Variants in IFT80 observed in about 807,000 individuals in gnomAD.
IFT80 encodes the protein intraflagellar transport 80.
IFT80 carries 79 observed loss-of-function variants against 107.9 expected under a neutral mutation model. The ratio of observed to expected loss-of-function variants is 0.73; its 90% CI spans 0.61 to 0.88. The LOEUF (loss-of-function observed/expected upper bound fraction) is 0.88. Ranked by LOEUF, IFT80 falls within the 40% of genes least tolerant of loss-of-function variation. IFT80 has a pLI of 0.00. For missense variants in IFT80, 797 were observed against 914.2 expected, an observed-to-expected ratio of 0.87 and a Z score of 1.65; for synonymous variants, 299 against 300.9, an observed-to-expected ratio of 0.99 and a Z score of 0.07.
intron 8 of IFT80, among the ~76,000 whole-genome samples, chr3:160,334,464 T>C (rs911790653): frequency 2.1e-4 from 31 of 151,140 alleles, no homozygotes; most frequent in African/African-American, 7.6e-4. Flanking sequence ...TTGCTCAGGC[T>C]GGAGTGCAGT....
intron 8 of IFT80, among the ~76,000 whole-genome samples, chr3:160,344,972 A>C (rs945556254): frequency 6.6e-6 from 1 of 152,210 alleles, no homozygotes; most frequent in African/African-American, 2.4e-5. Context: ...AGGGAAGGGA[A>C]CACTCATATA....
chr3:160,394,449 A>G (rs1713623137), intron 1 of IFT80: 2 of 152,208 alleles, frequency 1.3e-5, no homozygotes, highest in African/African-American at 4.8e-5. Flanking sequence ...TTTAATTAGT[A>G]AAGACCTCCA....
chr3:160,363,531 A>T (rs985481456), intron 6 of IFT80, among the ~76,000 whole-genome samples: 2 of 152,156 alleles, frequency 1.3e-5, no homozygotes, highest in East Asian at 3.9e-4. Context: ...GTTCATACGG[A>T]ACCAAAAAGA....
intron 12 of IFT80, among the ~76,000 whole-genome samples, chr3:160,295,858 G>A (rs960794888): frequency 7.2e-5 from 11 of 152,220 alleles, no homozygotes; most frequent in African/African-American, 2.4e-4. Flanking sequence ...CAACATGGAT[G>A]AACCTGACGG....
intron 12 of IFT80, among the ~76,000 whole-genome samples, chr3:160,290,976 T>C (rs1041257703): frequency 1.3e-5 from 2 of 152,216 alleles, no homozygotes; most frequent in Non-Finnish European, 2.9e-5. Context: ...ACAGAGAGCA[T>C]GTAAATCCAC....
chr3:160,278,980 T>C (rs1714480926), intron 16 of IFT80, among the ~76,000 whole-genome samples: 1 of 152,312 alleles, frequency 6.6e-6, no homozygotes, highest in African/African-American at 2.4e-5. Context: ...TGTGCCAGTA[T>C]GGAAAAACAG....
At position 160,277,443 on chromosome 3, in the gene IFT80, AT is replaced by A. The variant is rs779179710; in HGVS notation, c.1961del (p.Asn654IlefsTer24). On this transcript the variant is annotated frameshift_variant, in exon 18 of 20. Transcript: ENST00000326448. LOFTEE classifies it high-confidence loss of function. ...DKVQYINSIK[N>X]LPSKESKMAH... ...CCATTTTTGATTCTTTAGATGGAAG[AT>A]TTTTTATAGAATTGATGTACTGAAC... 1.2e-6 allele frequency: 2 copies of A among 1,610,548 alleles called. No homozygotes were observed. Among genetic ancestry groups the A allele is most frequent in the Admixed American group, 1.7e-5 (1 of 59,980 alleles).
intron 12 of IFT80, among the ~76,000 whole-genome samples, chr3:160,296,902 T>G (rs929725943): frequency 1.3e-5 from 2 of 152,208 alleles, no homozygotes; most frequent in African/African-American, 4.8e-5. Context: ...TCTTCTATTT[T>G]GGACCATTCC....
In IFT80 at chr3:160,370,561, A is replaced by T. The variant is rs562205271; in HGVS notation, c.440-4409T>A. On this transcript the variant is annotated intron_variant, in intron 5 of 19. Transcript: ENST00000326448. ...TACAAGAAAAAGTTTAAATAAAGGC[A>T]TTTTTTTTTAAGTTTCTATCTTCAA... 4.6e-5 allele frequency among the ~76,000 whole-genome samples: 7 copies of T among 151,426 alleles called. No homozygotes were observed. The South Asian group carries it at 8.3e-4, about 18-fold the overall frequency.
chr3:160,289,289 G>T (rs1434043317), intron 12 of IFT80, among the ~76,000 whole-genome samples: 1 of 152,142 alleles, frequency 6.6e-6, no homozygotes, highest in Non-Finnish European at 1.5e-5. Flanking sequence ...GGGAAACAGA[G>T]ACTGGGGGCT....
intron 8 of IFT80, among the ~76,000 whole-genome samples, chr3:160,344,299 T>G (rs1720126553): frequency 6.6e-6 from 1 of 152,186 alleles, no homozygotes; most frequent in Non-Finnish European, 1.5e-5. Context: ...TGTGATCTGT[T>G]TTCCTTTGGC....
chr3:160,284,004 C>T (rs925822607), intron 13 of IFT80, among the ~76,000 whole-genome samples: 21 of 152,080 alleles, frequency 1.4e-4, no homozygotes, highest in Non-Finnish European at 2.8e-4. Context: ...AGTTTGGGCT[C>T]TGTTATTGGG....
Position 160,268,512 on chromosome 3 carries a change from G to C in IFT80, c.2124C>G (p.Tyr708Ter), listed in dbSNP as rs1281270349. The change falls in exon 19 of 20, where the codon TAC becomes TAG. Residue 708 changes from tyrosine to a stop codon, truncating the protein, a stop_gained. Coordinates refer to ENST00000326448, the MANE Select transcript of IFT80 (RefSeq NM_020800.3). LOFTEE classifies it high-confidence loss of function. ...WERALELAVK[Y>*]KTHVDTVLAY... ...CAAGAACTGTATCAACATGTGTTTTGTATTTTACAGCCAATTCCAGTGCCC... is the reference window on the plus strand; with the variant it reads ...CAAGAACTGTATCAACATGTGTTTTCTATTTTACAGCCAATTCCAGTGCCC... 1 of 1,613,196 alleles carries C rather than the reference G, an allele frequency of 6.2e-7. No individual in the cohort carries two copies. The highest frequency in any genetic ancestry group is 1.7e-5 in the Admixed American group (1 of 59,992).
At chr3:160,261,366 G>C (rs1272834950) in intron 19 of IFT80, among the ~76,000 whole-genome samples, 2 of 150,998 alleles carry the variant, frequency 1.3e-5, no homozygotes, top group East Asian at 3.9e-4. Context: ...ATTCACCAGT[G>C]AACAAAAAGA....
At chr3:160,291,126 G>A (rs1715519705) in intron 12 of IFT80, among the ~76,000 whole-genome samples, 1 of 152,162 alleles carries the variant, frequency 6.6e-6, no homozygotes, top group African/African-American at 2.4e-5. Flanking sequence ...ATACAGATTG[G>A]AACTTACAGG....
chr3:160,332,909 C>A (rs1719189369), intron 8 of IFT80, among the ~76,000 whole-genome samples: 1 of 152,102 alleles, frequency 6.6e-6, no homozygotes, highest in Non-Finnish European at 1.5e-5. Flanking sequence ...CAGTTAGTTG[C>A]CATCATGTGT....
In IFT80 at chr3:160,377,498, C is replaced by CT; in HGVS notation, c.301dup (p.Ser101LysfsTer17). On this transcript the variant is annotated frameshift_variant, in exon 4 of 20. Coordinates refer to ENST00000326448, the MANE Select transcript of IFT80 (RefSeq NM_020800.3). LOFTEE classifies it high-confidence loss of function. ...TACTGCTCCACAGTGAGCTTCTACA[C>CT]TTTTTTCCACTCTTCCTAACTTGGA... 6.2e-7 allele frequency: 1 copy of CT among 1,609,686 alleles called. No individual in the cohort carries two copies. The highest frequency in any genetic ancestry group is 8.5e-7 in the Non-Finnish European group (1 of 1,177,202).
chr3:160,270,123 C>G (rs1713683311), intron 18 of IFT80, among the ~76,000 whole-genome samples: 1 of 152,188 alleles, frequency 6.6e-6, no homozygotes, highest in Admixed American at 6.5e-5. Context: ...GCCTCAGCCT[C>G]CCAAGTAGCT....
At chr3:160,330,838 A>G (rs933849167) in intron 8 of IFT80, among the ~76,000 whole-genome samples, 1 of 152,142 alleles carries the variant, frequency 6.6e-6, no homozygotes, top group African/African-American at 2.4e-5. Flanking sequence ...AGATTATTTG[A>G]AGCAAATCCC....
Sources: gnomAD v4.1 joint callset for allele counts (sites outside exome capture counted in the v4.1 genomes callset) on GRCh38, gnomAD v4.1.1 for gene constraint, MANE v1.5 for transcripts, NCBI Gene and HGNC (gene_info 2026-07-23, HGNC 2026-07-21) for gene names.